KCNAB1: variants seen among roughly 807,000 people sequenced by gnomAD.
The protein encoded by KCNAB1 is potassium voltage-gated channel subfamily A regulatory beta subunit 1, also known as voltage-gated potassium channel subunit beta-1.
KCNAB1 carries 35 observed loss-of-function variants against 64.6 expected under a neutral mutation model. That is an observed-to-expected ratio of 0.54 (90% CI 0.41 to 0.72). The LOEUF (loss-of-function observed/expected upper bound fraction) is 0.72, where lower values mean the gene tolerates loss of function less well. Among genes scored for constraint, KCNAB1 ranks in the 30% least tolerant of loss-of-function variants. The pLI is 0.00. For synonymous variants in KCNAB1, 177 were observed against 183.8 expected (o/e 0.96, Z 0.30); for missense variants, 401 against 512.9 (o/e 0.78, Z 2.11).
chr3:156,254,462 AAG>A (rs1717991874), intron 1 of KCNAB1, among the ~76,000 whole-genome samples: 1 of 152,216 alleles, frequency 6.6e-6, no homozygotes, highest in African/African-American at 2.4e-5. Context: ...TGCTAAGACA[AAG>A]AGGGCCCCCA....
At chr3:156,261,159 C>T (rs1388115463) in intron 1 of KCNAB1, among the ~76,000 whole-genome samples, 2 of 152,016 alleles carry the variant, frequency 1.3e-5, no homozygotes, top group Admixed American at 6.6e-5. Flanking sequence ...CTTTATCAAG[C>T]ATAGGATTTG....
intron 1 of KCNAB1, among the ~76,000 whole-genome samples, chr3:156,122,782 G>C (rs1351550540): frequency 6.6e-6 from 1 of 152,176 alleles, no homozygotes; most frequent in African/African-American, 2.4e-5. Flanking sequence ...GAAGAAACGA[G>C]TATGTGTAGT....
Position 156,261,466 on chromosome 3 carries a change from A to G in KCNAB1, c.275+140580A>G, listed in dbSNP as rs181606821. Reference sequence around the variant, plus strand: ...TTTTTTTCTCACATATGGATATCCAATTGTCCTAGCACTATTTTTTGAAAC... The same window carrying G: ...TTTTTTTCTCACATATGGATATCCAGTTGTCCTAGCACTATTTTTTGAAAC... On this transcript the variant is annotated intron_variant, in intron 1 of 13. Transcript: ENST00000490337. Among the ~76,000 whole-genome samples the G allele has an allele frequency of 3.3e-5, 5 of 152,040 alleles. No individual in the cohort carries two copies. The East Asian group carries it at 5.8e-4, about 18-fold the overall frequency.
intron 1 of KCNAB1, among the ~76,000 whole-genome samples, chr3:156,163,391 C>G (rs1035004845): frequency 2.0e-5 from 3 of 152,006 alleles, no homozygotes; most frequent in Non-Finnish European, 4.4e-5. Flanking sequence ...CCACATAGTC[C>G]CCTTACCTTG....
intron 1 of KCNAB1, among the ~76,000 whole-genome samples, chr3:156,220,353 A>G (rs374874032): frequency 6.6e-6 from 1 of 152,092 alleles, no homozygotes; most frequent in East Asian, 1.9e-4. Context: ...AAGCATTCCT[A>G]TTTCTCCACA....
intron 8 of KCNAB1, among the ~76,000 whole-genome samples, chr3:156,511,530 G>A (rs1249196342): frequency 6.6e-6 from 1 of 152,088 alleles, no homozygotes; most frequent in Non-Finnish European, 1.5e-5. Context: ...CCAGATATCT[G>A]GGAAACAGCT....
intron 12 of KCNAB1, among the ~76,000 whole-genome samples, chr3:156,525,701 C>T (rs1348091820): frequency 6.6e-6 from 1 of 151,916 alleles, no homozygotes; most frequent in African/African-American, 2.4e-5. Context: ...TTTTTAGTAG[C>T]GAAGGGGTTT....
intron 1 of KCNAB1, among the ~76,000 whole-genome samples, chr3:156,318,861 T>G (rs923009033): frequency 3.0e-4 from 45 of 152,314 alleles, no homozygotes; most frequent in African/African-American, 9.6e-4. Flanking sequence ...TTCTCTGTGC[T>G]GCAGACAAGA....
intron 1 of KCNAB1, among the ~76,000 whole-genome samples, chr3:156,218,844 T>TA (rs548052515): frequency 5.9e-5 from 8 of 136,072 alleles, no homozygotes; most frequent in East Asian, 4.4e-4. Flanking sequence ...TAAATAAATA[T>TA]AAAAAAAATA....
rs544566703 is a variant in KCNAB1 at position 156,125,437 on chromosome 3, C to T, written c.275+4551C>T. Among the ~76,000 whole-genome samples, 15 of 152,310 alleles carry T rather than the reference C, an allele frequency of 9.8e-5. No homozygotes were observed. The South Asian group carries it at 1.9e-3, about 19-fold the overall frequency. ...TTAAGGATTTATAGGATACCACCCT[C>T]CTGAGGAAAAGTGACTTGGAGATAG... On this transcript the variant is annotated intron_variant, in intron 1 of 13. Transcript: ENST00000490337.
In KCNAB1 at chr3:156,143,543, G is replaced by A. The variant is rs570917176; in HGVS notation, c.275+22657G>A. ...TAAGAAAAAGAAGGAAAAATGCAGT[G>A]AGCCCTCTTCTTGGGTTGCATTCTT... On this transcript the variant is annotated intron_variant, in intron 1 of 13. Coordinates refer to ENST00000490337, the MANE Select transcript of KCNAB1 (RefSeq NM_172160.3). The A allele has an allele frequency of 2.5e-4, 138 of 551,544 alleles. No individual in the cohort carries two copies. The African/African-American group carries it at 2.6e-3, about 10-fold the overall frequency. The allele number at this position is 551,544 out of a possible 1,614,324, so 34.2% of individuals were successfully genotyped here.
intron 1 of KCNAB1, among the ~76,000 whole-genome samples, chr3:156,196,512 A>AGAG (rs966146164): frequency 2.6e-5 from 4 of 152,136 alleles, no homozygotes; most frequent in Admixed American, 6.5e-5. Flanking sequence ...TTCTCCTTGA[A>AGAG]GAGGCCCTTC....
chr3:156,397,416 G>A (rs1255033468), intron 1 of KCNAB1, among the ~76,000 whole-genome samples: 7 of 152,184 alleles, frequency 4.6e-5, no homozygotes, highest in South Asian at 2.1e-4. Context: ...TGTCTGAACC[G>A]TCTGCACATT....
chr3:156,219,439 A>C (rs1201917141), intron 1 of KCNAB1, among the ~76,000 whole-genome samples: 1 of 152,052 alleles, frequency 6.6e-6, no homozygotes, highest in East Asian at 1.9e-4. Flanking sequence ...AAATGAACAA[A>C]ACCTCCGAGA....
At chr3:156,180,656 C>T (rs1484549520) in intron 1 of KCNAB1, among the ~76,000 whole-genome samples, 3 of 152,122 alleles carry the variant, frequency 2.0e-5, no homozygotes, top group Admixed American at 6.5e-5. Context: ...ATACCTACCA[C>T]ATGCAAGGCT....
intron 1 of KCNAB1, among the ~76,000 whole-genome samples, chr3:156,220,223 G>A (rs1335649784): frequency 1.3e-5 from 2 of 152,104 alleles, no homozygotes; most frequent in Non-Finnish European, 2.9e-5. Flanking sequence ...AATCATTTGG[G>A]TATATGCACA....
chr3:156,419,162 C>T (rs1715291390), intron 1 of KCNAB1, among the ~76,000 whole-genome samples: 2 of 152,128 alleles, frequency 1.3e-5, no homozygotes, highest in African/African-American at 2.4e-5. Flanking sequence ...TGAGATGTTG[C>T]TAAGTACCCA....
At chr3:156,297,562 G>A (rs1720882563) in intron 1 of KCNAB1, among the ~76,000 whole-genome samples, 1 of 152,050 alleles carries the variant, frequency 6.6e-6, no homozygotes, top group South Asian at 2.1e-4. Flanking sequence ...TTCCTATAGA[G>A]AGTCAGGACT....
At chr3:156,415,686 G>A (rs114342199) in intron 1 of KCNAB1, among the ~76,000 whole-genome samples, 138 of 152,060 alleles carry the variant, frequency 9.1e-4, no homozygotes, top group African/African-American at 3.0e-3. Context: ...CACCTTTGCC[G>A]CCCCTTCTCA....
Sources: gnomAD v4.1 joint callset for allele counts (sites outside exome capture counted in the v4.1 genomes callset) on GRCh38, gnomAD v4.1.1 for gene constraint, MANE v1.5 for transcripts, NCBI Gene and HGNC (gene_info 2026-07-23, HGNC 2026-07-21) for gene names.